GRIN2A: variants seen among roughly 807,000 people sequenced by gnomAD.
GRIN2A encodes the protein glutamate ionotropic receptor NMDA type subunit 2A, also known as glutamate receptor ionotropic, NMDA 2A.
GRIN2A carries 22 observed loss-of-function variants against 113.4 expected under a neutral mutation model. The ratio of observed to expected loss-of-function variants is 0.19; its 90% CI spans 0.14 to 0.28. The LOEUF is 0.28. Ranked by LOEUF, GRIN2A falls within the 10% of genes least tolerant of loss-of-function variation. The probability of loss-of-function intolerance (pLI) is 1.00; values close to 1 mark genes in which losing one functional copy is unlikely to be tolerated. For synonymous variants in GRIN2A, 827 were observed against 738.4 expected (o/e 1.12, Z -1.94); for missense variants, 1,502 against 1,887.0 (o/e 0.80, Z 3.78).
chr16:10,056,295 A>T (rs1206091077), intron 2 of GRIN2A, among the ~76,000 whole-genome samples: 1 of 151,864 alleles, frequency 6.6e-6, no homozygotes, highest in Non-Finnish European at 1.5e-5. Flanking sequence ...CCACCTTTCC[A>T]CCCTTGATCC....
intron 2 of GRIN2A, among the ~76,000 whole-genome samples, chr16:10,127,437 G>A (rs1219072964): frequency 6.6e-6 from 1 of 152,030 alleles, no homozygotes; most frequent in East Asian, 1.9e-4. Flanking sequence ...ACTCCACCCT[G>A]GTTGGCCAAC....
chr16:9,954,877 G>C (rs974532479), intron 2 of GRIN2A, among the ~76,000 whole-genome samples: 1 of 152,138 alleles, frequency 6.6e-6, no homozygotes, highest in Non-Finnish European at 1.5e-5. Context: ...CTTTCTCCAG[G>C]CCAGCGTCCT....
chr16:10,144,450 G>C (rs138069803), intron 2 of GRIN2A, among the ~76,000 whole-genome samples: 72 of 152,170 alleles, frequency 4.7e-4, no homozygotes, highest in African/African-American at 1.7e-3. Flanking sequence ...TTGGCCATTT[G>C]CATGTCTTCT....
Position 9,849,127 on chromosome 16 carries a change from A to G in GRIN2A, c.1328+629T>C, listed in dbSNP as rs959637257. ...AAAATATACTGTTTTATATATTTAA[A>G]TATATAAAATACACTGTTTTATATA... On this transcript the variant is annotated intron_variant, in intron 5 of 12. Coordinates refer to ENST00000330684, the MANE Select transcript of GRIN2A (RefSeq NM_001134407.3). 1.4e-4 allele frequency among the ~76,000 whole-genome samples: 17 copies of G among 117,252 alleles called. 1 individual carries two copies. The South Asian group carries it at 4.7e-3, about 33-fold the overall frequency. 76.9% of individuals were successfully genotyped at this position (117,252 alleles called of 152,430 possible).
At chr16:9,797,334 G>A (rs917214059) in intron 11 of GRIN2A, among the ~76,000 whole-genome samples, 1 of 151,994 alleles carries the variant, frequency 6.6e-6, no homozygotes, top group South Asian at 2.1e-4. Context: ...TATTTCCTCC[G>A]TGTTGGCAAT....
intron 3 of GRIN2A, among the ~76,000 whole-genome samples, chr16:9,891,436 C>G (rs547164692): frequency 6.0e-4 from 91 of 152,330 alleles, no homozygotes; most frequent in African/African-American, 2.0e-3. Flanking sequence ...TGCTCATAAA[C>G]CACATGGCAT....
chr16:10,038,822 T>A (rs1567252760), intron 2 of GRIN2A, among the ~76,000 whole-genome samples: 1 of 149,470 alleles, frequency 6.7e-6, no homozygotes, highest in Non-Finnish European at 1.5e-5. Context: ...CACTCCAGCC[T>A]GGGCGACAGA....
chr16:9,992,937 C>T (rs986077833), intron 2 of GRIN2A, among the ~76,000 whole-genome samples: 3 of 152,020 alleles, frequency 2.0e-5, no homozygotes, highest in Non-Finnish European at 4.4e-5. Flanking sequence ...AAAATAAGGC[C>T]GGTGGCGGTG....
chr16:9,812,760 C>A (rs1279534253), intron 10 of GRIN2A, among the ~76,000 whole-genome samples: 1 of 152,160 alleles, frequency 6.6e-6, no homozygotes, highest in East Asian at 1.9e-4. Flanking sequence ...AGCTCACACT[C>A]ACTGTAATAG....
chr16:9,819,544 A>G (rs2042243118), intron 10 of GRIN2A, among the ~76,000 whole-genome samples: 1 of 152,108 alleles, frequency 6.6e-6, no homozygotes, highest in Non-Finnish European at 1.5e-5. Flanking sequence ...AAATTTAAAT[A>G]ATTAATCAAG....
intron 2 of GRIN2A, among the ~76,000 whole-genome samples, chr16:10,138,581 C>T (rs1001374800): frequency 6.6e-6 from 1 of 152,062 alleles, no homozygotes; most frequent in African/African-American, 2.4e-5. Context: ...CAGGCCCCTC[C>T]CTGACACGTG....
intron 2 of GRIN2A, chr16:10,111,993 C>CAAGA (rs112309599): frequency 0.4 from 265,855 of 672,792 alleles, 53,711 homozygotes; most frequent in Middle Eastern, 0.48. Context: ...TTCAGCCTAG[C>CAAGA]AAGGGAAGCT....
At chr16:10,069,194 G>C (rs1023521452) in intron 2 of GRIN2A, among the ~76,000 whole-genome samples, 5 of 152,184 alleles carry the variant, frequency 3.3e-5, no homozygotes, top group African/African-American at 7.2e-5. Context: ...ACCAGTGGAG[G>C]CTGCTTCATC....
chr16:9,817,571 A>G (rs150473824), intron 10 of GRIN2A, among the ~76,000 whole-genome samples: 244 of 152,372 alleles, frequency 1.6e-3, no homozygotes, highest in Middle Eastern at 6.8e-3. Context: ...GAACTAGTTT[A>G]GAGATCAAAG....
At chr16:10,140,126 AAT>A (rs1260228997) in intron 2 of GRIN2A, among the ~76,000 whole-genome samples, 4 of 152,344 alleles carry the variant, frequency 2.6e-5, no homozygotes, top group African/African-American at 9.6e-5. Flanking sequence ...TTTGGGCTGG[AAT>A]ATATATAACT....
chr16:9,923,955 C>T (rs941467723), intron 3 of GRIN2A, among the ~76,000 whole-genome samples: 2 of 151,782 alleles, frequency 1.3e-5, no homozygotes, highest in Non-Finnish European at 2.9e-5. Context: ...GGTGAGACCT[C>T]ATCTCTACTA....
chr16:9,836,811 C>A (rs932292957), intron 7 of GRIN2A, among the ~76,000 whole-genome samples: 4 of 152,208 alleles, frequency 2.6e-5, no homozygotes, highest in Non-Finnish European at 5.9e-5. Context: ...TCTATTACAT[C>A]TTCTAATGGC....
chr16:9,894,731 C>T lies in GRIN2A; in HGVS notation c.1008-3631G>A, dbSNP rs59240125. ...CATTTCCCAGGGTTATTTTTAGCCC[C>T]GTCACATTGTCTGGCATACTGTGGG... is the stretch of plus-strand genomic sequence containing the variant. On this transcript the variant is annotated intron_variant, in intron 3 of 12. Coordinates refer to ENST00000330684, the MANE Select transcript of GRIN2A (RefSeq NM_001134407.3). Among the ~76,000 whole-genome samples, 1,474 of 152,264 alleles carry T rather than the reference C, an allele frequency of 9.7e-3. 24 individuals carry two copies. The highest frequency in any genetic ancestry group is 0.033 in the African/African-American group (1,377 of 41,548).
chr16:9,773,366 T>C (rs183600282), intron 11 of GRIN2A, among the ~76,000 whole-genome samples: 138 of 152,252 alleles, frequency 9.1e-4, no homozygotes, highest in Non-Finnish European at 1.5e-3. Context: ...GGGTGAAGCA[T>C]CAAATGTCGT....
Sources: allele counts gnomAD v4.1 joint callset (sites outside exome capture counted in the v4.1 genomes callset), GRCh38; gene constraint gnomAD v4.1.1; transcripts MANE v1.5; gene names NCBI Gene and HGNC (gene_info 2026-07-23, HGNC 2026-07-21).